Variants in SYNPR observed in about 807,000 individuals in gnomAD.
SYNPR encodes the protein synaptoporin.
In SYNPR, 23 loss-of-function variants were observed where a neutral mutation model predicts 32.9. That is an observed-to-expected ratio of 0.70 (90% CI 0.50 to 0.99). The LOEUF (loss-of-function observed/expected upper bound fraction) is 0.99. Ranked by LOEUF, SYNPR falls within the 50% of genes least tolerant of loss-of-function variation. The pLI is 0.00. For missense variants in SYNPR, 318 were observed against 349.3 expected (o/e 0.91, Z 0.71); for synonymous variants, 146 against 135.9 (o/e 1.07, Z -0.52).
intron 4 of SYNPR, among the ~76,000 whole-genome samples, chr3:63,592,905 T>C (rs1699863386): frequency 6.6e-6 from 1 of 152,088 alleles, no homozygotes; most frequent in Non-Finnish European, 1.5e-5. Flanking sequence ...TTGTCAAAAA[T>C]ACTATGAAAA....
intron 2 of SYNPR, among the ~76,000 whole-genome samples, chr3:63,334,290 A>G (rs1381662298): frequency 6.6e-6 from 1 of 152,160 alleles, no homozygotes. Context: ...TTAAAATCAG[A>G]AGGTCAACCT....
chr3:63,505,933 T>A (rs1350839855), intron 3 of SYNPR, among the ~76,000 whole-genome samples: 1 of 151,988 alleles, frequency 6.6e-6, no homozygotes, highest in Non-Finnish European at 1.5e-5. Flanking sequence ...TTATGTCCTC[T>A]AAGATTTCCT....
At chr3:63,608,109 AT>A (rs1483906718) in intron 4 of SYNPR, among the ~76,000 whole-genome samples, 3 of 152,058 alleles carry the variant, frequency 2.0e-5, no homozygotes, top group Admixed American at 6.6e-5. Flanking sequence ...GTCAATCTGA[AT>A]TTTTTTAATA....
chr3:63,563,716 T>G (rs1377089065), intron 4 of SYNPR, among the ~76,000 whole-genome samples: 7 of 152,114 alleles, frequency 4.6e-5, no homozygotes, highest in Admixed American at 4.6e-4. Context: ...GCATTTAGTC[T>G]GCTGAGGAAC....
intron 2 of SYNPR, among the ~76,000 whole-genome samples, chr3:63,409,479 T>G (rs1010528280): frequency 6.6e-6 from 1 of 152,132 alleles, no homozygotes; most frequent in African/African-American, 2.4e-5. Context: ...AGCAGGTTAA[T>G]TCCTACATTT....
At chr3:63,444,962 CA>C (rs1559501286) in intron 2 of SYNPR, among the ~76,000 whole-genome samples, 2 of 149,512 alleles carry the variant, frequency 1.3e-5, no homozygotes, top group Admixed American at 6.6e-5. Context: ...GGAAAAAAAA[CA>C]AAACAAAACA....
At chr3:63,486,513 T>C (rs945711342) in intron 3 of SYNPR, among the ~76,000 whole-genome samples, 1 of 152,152 alleles carries the variant, frequency 6.6e-6, no homozygotes, top group African/African-American at 2.4e-5. Flanking sequence ...CACTGCCTTA[T>C]TGATGTTTTC....
chr3:63,454,980 A>T (rs2106641271), intron 2 of SYNPR, among the ~76,000 whole-genome samples: 1 of 152,254 alleles, frequency 6.6e-6, no homozygotes, highest in East Asian at 1.9e-4. Context: ...GAATTTTCCA[A>T]ACTCAACTTT....
chr3:63,249,833 G>T (rs748203344), intron 1 of SYNPR, among the ~76,000 whole-genome samples: 2 of 152,058 alleles, frequency 1.3e-5, no homozygotes, highest in Non-Finnish European at 2.9e-5. Flanking sequence ...TTTTCAGCTG[G>T]TATATTGATT....
intron 2 of SYNPR, among the ~76,000 whole-genome samples, chr3:63,389,269 A>T (rs1033226456): frequency 1.3e-5 from 2 of 149,174 alleles, no homozygotes; most frequent in African/African-American, 5.1e-5. Context: ...ATCTACCTTA[A>T]GCATAAAAAA....
Position 63,615,346 on chromosome 3 carries a change from C to G in SYNPR, c.723C>G (p.Ser241Arg). 6.2e-7 allele frequency: 1 copy of G among 1,613,882 alleles called. No individual in the cohort carries two copies. Among genetic ancestry groups the G allele is most frequent in the Non-Finnish European group, 8.5e-7 (1 of 1,179,858 alleles). ...ATCCAATGGAGAAGCACTCCAGCAGCTATAATCAAGGTGGTTACAACCAAG... is the reference window on the plus strand; with the variant it reads ...ATCCAATGGAGAAGCACTCCAGCAGGTATAATCAAGGTGGTTACAACCAAG... Reference protein sequence around the residue: ...LSDPMEKHSSSYNQGGYNQDS... With the variant: ...LSDPMEKHSSRYNQGGYNQDS... The change falls in exon 6 of 6, where the codon AGC becomes AGG. Residue 241 changes from serine to arginine, a missense_variant. Physicochemically the swap from Ser to Arg is moderately radical, Grantham distance 110 (BLOSUM62 -1). Transcript: ENST00000478300.
the SYNPR span, among the ~76,000 whole-genome samples, chr3:63,217,554 G>T: frequency 8.7e-6 from 1 of 114,476 alleles, no homozygotes; most frequent in African/African-American, 3.3e-5. Context: ...GCAATGCCTC[G>T]CCCTGCTTCG....
At chr3:63,233,927 G>GA (rs2086182946) in intron 1 of SYNPR, among the ~76,000 whole-genome samples, 1 of 152,190 alleles carries the variant, frequency 6.6e-6, no homozygotes, top group Non-Finnish European at 1.5e-5. Context: ...TGACTGAGGA[G>GA]ACAGACACAG....
At chr3:63,276,214 C>A (rs941185589), upstream of SYNPR, among the ~76,000 whole-genome samples, 7 of 152,100 alleles carry the variant, frequency 4.6e-5, no homozygotes, top group Non-Finnish European at 1.5e-5. Flanking sequence ...GCACACATTA[C>A]CAATAAAATG....
chr3:63,515,393 A>G (rs1479725822), intron 3 of SYNPR, among the ~76,000 whole-genome samples: 3 of 152,110 alleles, frequency 2.0e-5, no homozygotes, highest in African/African-American at 4.8e-5. Flanking sequence ...AACTTTGAAG[A>G]CACTAGGTGC....
chr3:63,299,270 G>A (rs2086819942), intron 2 of SYNPR, among the ~76,000 whole-genome samples: 1 of 152,040 alleles, frequency 6.6e-6, no homozygotes, highest in African/African-American at 2.4e-5. Flanking sequence ...TGGAAAACTA[G>A]AGAAGAGTTT....
chr3:63,292,362 A>G (rs2086748578), intron 2 of SYNPR, among the ~76,000 whole-genome samples: 1 of 152,226 alleles, frequency 6.6e-6, no homozygotes. Flanking sequence ...TGTGTTGGGA[A>G]CATTCAAAAT....
intron 1 of SYNPR, among the ~76,000 whole-genome samples, chr3:63,243,965 A>G (rs74921213): frequency 6.6e-6 from 1 of 152,140 alleles, no homozygotes; most frequent in East Asian, 1.9e-4. Context: ...AGATTCTTAT[A>G]TCAGGGAAAA....
At chr3:63,491,169 C>A (rs1045883486) in intron 3 of SYNPR, among the ~76,000 whole-genome samples, 1 of 152,026 alleles carries the variant, frequency 6.6e-6, no homozygotes, top group African/African-American at 2.4e-5. Context: ...TTCTGAAGAC[C>A]AGAAAGCAAT....
Sources: gnomAD v4.1 joint callset for allele counts (sites outside exome capture counted in the v4.1 genomes callset) on GRCh38, gnomAD v4.1.1 for gene constraint, MANE v1.5 for transcripts, NCBI Gene and HGNC (gene_info 2026-07-23, HGNC 2026-07-21) for gene names.